Variants in ZNF532 observed in about 807,000 individuals in gnomAD.
ZNF532 encodes the protein zinc finger protein 532.
ZNF532 carries 22 observed loss-of-function variants against 89.3 expected under a neutral mutation model. The ratio of observed to expected loss-of-function variants is 0.25; its 90% confidence interval spans 0.18 to 0.35. The LOEUF is 0.35. ZNF532 is among the 10% of genes least tolerant of loss of function. The pLI is 1.00. For synonymous variants in ZNF532, 606 were observed against 649.6 expected (o/e 0.93, Z 1.02); for missense variants, 1,132 against 1,643.4 (o/e 0.69, Z 5.38).
At chr18:58,888,487 C>T (rs965191112) in intron 2 of ZNF532, among the ~76,000 whole-genome samples, 1 of 150,748 alleles carries the variant, frequency 6.6e-6, no homozygotes, top group African/African-American at 2.4e-5. Context: ...AGCAGCCTGG[C>T]CAACATGGTG....
chr18:58,886,367 G>A (rs1020583672), intron 2 of ZNF532, among the ~76,000 whole-genome samples: 1 of 152,038 alleles, frequency 6.6e-6, no homozygotes, highest in African/African-American at 2.4e-5. Context: ...TTAAGGTAGT[G>A]TATGTATTGT....
intron 7 of ZNF532, among the ~76,000 whole-genome samples, chr18:58,963,836 A>AG (rs1190553113): frequency 2.0e-5 from 3 of 151,678 alleles, no homozygotes; most frequent in Non-Finnish European, 2.9e-5. Flanking sequence ...AAAAAAAAAA[A>AG]AAAAAATTTA....
chr18:58,912,674 A>C (rs1479884349), intron 2 of ZNF532, among the ~76,000 whole-genome samples: 1 of 152,224 alleles, frequency 6.6e-6, no homozygotes, highest in East Asian at 1.9e-4. Flanking sequence ...AGGTAAAATG[A>C]AACTTTTCTG....
chr18:58,894,244 A>G (rs533376223), intron 2 of ZNF532, among the ~76,000 whole-genome samples: 13 of 152,056 alleles, frequency 8.5e-5, no homozygotes, highest in Non-Finnish European at 1.8e-4. Flanking sequence ...GTGAGCAGAT[A>G]ACTTGAGGTC....
chr18:58,978,922 G>A (rs1425978826), intron 7 of ZNF532, 133 bp from the exon 8 acceptor site: 3 of 678,764 alleles, frequency 4.4e-6, no homozygotes, highest in Non-Finnish European at 8.0e-6. Flanking sequence ...CATGTGTAGT[G>A]TCATGTCAAC....
intron 2 of ZNF532, among the ~76,000 whole-genome samples, chr18:58,875,434 A>G (rs959520880): frequency 2.6e-5 from 4 of 152,308 alleles, no homozygotes; most frequent in East Asian, 1.9e-4. Flanking sequence ...TAAATTTAGC[A>G]ATGAAATTTT....
At chr18:58,914,982 A>G (rs892695050) in intron 2 of ZNF532, among the ~76,000 whole-genome samples, 1 of 152,248 alleles carries the variant, frequency 6.6e-6, no homozygotes, top group African/African-American at 2.4e-5. Context: ...TGTATTCAGT[A>G]TAACTGAGAA....
Position 58,919,357 on chromosome 18 carries a change from C to T in ZNF532, c.1070C>T (p.Ala357Val). ...SPSSPAGSTP[A>V]IPKVRIKTIK... ...TCCTCTCCCGCAGGGTCCACACCAG[C>T]AATCCCCAAAGTCCGCATAAAAACC... is the stretch of plus-strand genomic sequence containing the variant. Residue 357 changes from alanine (A) to valine (V), a missense_variant, in exon 3 of 10, where the codon GCA (alanine) becomes GTA (valine). Around this residue, in one of 9 missense-constraint regions of ZNF532, gnomAD observed 124 missense variants for 191.6 expected, o/e 0.65. Coordinates refer to ENST00000591808, the MANE Select transcript of ZNF532 (RefSeq NM_001375912.1). This position sits in a 1 kb window ranked among gnomAD's most constrained non-coding sequence, Gnocchi z 6.1. 6.2e-7 allele frequency: 1 copy of T among 1,614,224 alleles called. No homozygotes were observed. Among genetic ancestry groups the T allele is most frequent in the Non-Finnish European group, 8.5e-7 (1 of 1,180,042 alleles).
At position 58,957,927 on chromosome 18, in the gene ZNF532, T is replaced by C. The variant is rs148238501; in HGVS notation, c.3150+4128T>C. Among the ~76,000 whole-genome samples, 599 of 152,140 alleles carry C rather than the reference T, an allele frequency of 3.9e-3. 1 individual carries two copies. Among genetic ancestry groups the C allele is most frequent in the African/African-American group, 0.013 (551 of 41,518 alleles). Reference sequence around the variant, plus strand: ...TAAAAGTACAAAAATGAGCTGGGCATAGTGGCAGGTGCCTTGTAATCCCAG... The same window carrying C: ...TAAAAGTACAAAAATGAGCTGGGCACAGTGGCAGGTGCCTTGTAATCCCAG... On this transcript the variant is annotated intron_variant, in intron 7 of 9. Transcript: ENST00000591808.
chr18:58,908,460 A>G (rs2060079913), intron 2 of ZNF532, among the ~76,000 whole-genome samples: 1 of 152,110 alleles, frequency 6.6e-6, no homozygotes. Context: ...ATAAACAGGA[A>G]ATTCATCAGC....
rs2063839541 is a variant in ZNF532 at position 58,948,360 on chromosome 18, C to T, written c.2868+131C>T. The stretch of plus-strand genomic sequence containing the variant: ...GGAAGGGATGGATGCTGGTCGTTGT[C>T]AGTGAGCAACTTACATGCTGTCATC... On this transcript the variant is annotated intron_variant, in intron 6 of 9. Transcript: ENST00000591808. 3.5e-6 allele frequency: 3 copies of T among 847,002 alleles called. No individual in the cohort carries two copies. In the African/African-American group the frequency reaches 5.2e-5, roughly 15 times the overall value. The allele number at this position is 847,002 out of a possible 1,614,324, so 52.5% of individuals were successfully genotyped here.
At chr18:58,895,547 A>C (rs2059187699) in intron 2 of ZNF532, among the ~76,000 whole-genome samples, 2 of 152,190 alleles carry the variant, frequency 1.3e-5, no homozygotes, top group Admixed American at 1.3e-4. Context: ...ACATTCTGGG[A>C]GACAGTGACG....
At chr18:58,938,771 A>G (rs1220195463) in intron 4 of ZNF532, among the ~76,000 whole-genome samples, 1 of 152,200 alleles carries the variant, frequency 6.6e-6, no homozygotes, top group Non-Finnish European at 1.5e-5. Flanking sequence ...TCCATTAGAA[A>G]TGCTATTTGG....
At position 58,919,371 on chromosome 18, in the gene ZNF532, C is replaced by T. The variant is rs893165935; in HGVS notation, c.1084C>T (p.Arg362Cys). The T allele has an allele frequency of 6.8e-6, 11 of 1,614,064 alleles. No individual in the cohort carries two copies. Among genetic ancestry groups the T allele is most frequent in the African/African-American group, 2.7e-5 (2 of 74,914 alleles). Residue 362 changes from arginine to cysteine, a missense_variant, in exon 3 of 10, where the codon CGC (arginine) becomes TGC (cysteine). This residue lies in a region of ZNF532 where 124 missense variants were observed against 191.6 expected (regional missense o/e 0.65). Transcript: ENST00000591808. This position sits in a 1 kb window ranked among gnomAD's most constrained non-coding sequence, Gnocchi z 6.1. ...GTCCACACCAGCAATCCCCAAAGTC[C>T]GCATAAAAACCATTAAGACATCTTC... Reference protein sequence around the residue: ...AGSTPAIPKVRIKTIKTSSGE... With the variant: ...AGSTPAIPKVCIKTIKTSSGE...
intron 3 of ZNF532, among the ~76,000 whole-genome samples, chr18:58,928,469 T>C (rs912048215): frequency 2.6e-5 from 4 of 152,166 alleles, no homozygotes; most frequent in Non-Finnish European, 5.9e-5. Flanking sequence ...TTGGAATATA[T>C]GGTTTTAGCT....
chr18:58,913,458 TA>T (rs1384758434), intron 2 of ZNF532, among the ~76,000 whole-genome samples: 1 of 152,122 alleles, frequency 6.6e-6, no homozygotes, highest in African/African-American at 2.4e-5. Flanking sequence ...TTTATTGAAT[TA>T]TTTTTTTGGG....
intron 7 of ZNF532, among the ~76,000 whole-genome samples, chr18:58,977,908 T>G (rs2067239893): frequency 6.6e-6 from 1 of 152,186 alleles, no homozygotes; most frequent in South Asian, 2.1e-4. Flanking sequence ...TAGTATTATC[T>G]CACATGAAAA....
At chr18:58,868,015 T>C (rs902280080) in intron 2 of ZNF532, among the ~76,000 whole-genome samples, 4 of 152,250 alleles carry the variant, frequency 2.6e-5, no homozygotes, top group African/African-American at 9.6e-5. Context: ...TTAGGGTTTG[T>C]GTTCTCCCAT....
intron 2 of ZNF532, among the ~76,000 whole-genome samples, chr18:58,867,203 C>T (rs905699823): frequency 3.3e-5 from 5 of 151,958 alleles, no homozygotes; most frequent in Non-Finnish European, 7.3e-5. Flanking sequence ...AACCCCTTGC[C>T]ACGGCTATAC....
Sources: allele counts gnomAD v4.1 joint callset (sites outside exome capture counted in the v4.1 genomes callset), GRCh38; gene constraint gnomAD v4.1.1; regional missense constraint gnomAD v4.1.1; non-coding constraint Gnocchi (gnomAD v3.1); transcripts MANE v1.5; gene names NCBI Gene and HGNC (gene_info 2026-07-23, HGNC 2026-07-21).